The following CST4 variants were observed in gnomAD, a reference collection of about 807,000 sequenced individuals.
CST4 encodes cystatin S.
A neutral mutation model predicts 11.2 loss-of-function variants in CST4; 17 were observed. The observed-to-expected ratio is 1.52, with a 90% confidence interval of 1.04 to 2.27. The LOEUF (loss-of-function observed/expected upper bound fraction) is 2.27. CST4 is among the 30% of genes most tolerant of loss of function. CST4 has a pLI of 0.00. For missense variants in CST4, 251 were observed against 180.2 expected, an observed-to-expected ratio of 1.39 and a Z score of -2.25; for synonymous variants, 93 against 70.1, an observed-to-expected ratio of 1.33 and a Z score of -1.63.
chr20:23,687,935 G>A (rs1981100589), intron 1 of CST4, among the ~76,000 whole-genome samples: 1 of 152,266 alleles, frequency 6.6e-6, no homozygotes, highest in Non-Finnish European at 1.5e-5. Flanking sequence ...CATGGCACCA[G>A]GGAGTGCACC....
At chr20:23,687,968 A>C (rs1017273466) in intron 1 of CST4, among the ~76,000 whole-genome samples, 1 of 152,220 alleles carries the variant, frequency 6.6e-6, no homozygotes, top group African/African-American at 2.4e-5. Flanking sequence ...TGAGGGCTCC[A>C]GCTGACAGCT....
At chr20:23,686,145 A>T (rs2405665) in intron 2 of CST4, among the ~76,000 whole-genome samples, 168 bp from the exon 3 acceptor site, 4 of 152,188 alleles carry the variant, frequency 2.6e-5, no homozygotes, top group African/African-American at 4.8e-5. Flanking sequence ...TAGTGACTGT[A>T]CCATTACCCC....
chr20:23,685,856 G>C lies in CST4; in HGVS notation c.*38C>G, dbSNP rs752989828. ...GGTGGGAGCACTACAGTGGGTGGGA[G>C]TGGGTGGTGGTCGGTGTGACTGGCC... On this transcript the variant is annotated 3_prime_UTR_variant, in exon 3 of 3. Transcript: ENST00000217423. 4 of 1,605,522 alleles carry C rather than the reference G, an allele frequency of 2.5e-6. No homozygotes were observed. The South Asian group carries it at 4.4e-5, about 18-fold the overall frequency.
At position 23,688,988 on chromosome 20, in the gene CST4, G is replaced by C. The variant is rs766748922; in HGVS notation, c.-19C>G. On this transcript the variant is annotated 5_prime_UTR_variant, in exon 1 of 3. Transcript: ENST00000217423. ...GGGCCATGGTCTCCTCAGAGGCAGA[G>C]CACAAAGCTGGAGCTGCAGGAGAGG... 1.2e-6 allele frequency: 2 copies of C among 1,609,716 alleles called. No individual in the cohort carries two copies. Among genetic ancestry groups the C allele is most frequent in the Admixed American group, 1.7e-5 (1 of 59,892 alleles).
At chr20:23,688,237 C>T (rs1204076869) in intron 1 of CST4, among the ~76,000 whole-genome samples, 1 of 152,236 alleles carries the variant, frequency 6.6e-6, no homozygotes, top group African/African-American at 2.4e-5. Flanking sequence ...GGGACTCAGC[C>T]ATCCTGGCCT....
chr20:23,687,318 A>G (rs1402150000), intron 1 of CST4, 117 bp from the exon 2 acceptor site: 11 of 858,512 alleles, frequency 1.3e-5, no homozygotes, highest in African/African-American at 8.3e-5. Context: ...AGCTGCCCAC[A>G]TGTCAACACA....
chr20:23,686,099 C>T (rs1981031987), intron 2 of CST4, 122 bp from the exon 3 acceptor site: 1 of 1,004,836 alleles, frequency 1.0e-6, no homozygotes, highest in Non-Finnish European at 1.5e-6. Context: ...CCCTCACCCA[C>T]CCCTGCTGAG....
chr20:23,688,740 A>G lies in CST4; in HGVS notation c.228+2T>C. On this transcript the variant is annotated splice_donor_variant, in intron 1 of 2. Coordinates refer to ENST00000217423, the MANE Select transcript of CST4 (RefSeq NM_001899.3). LOFTEE classifies it high-confidence loss of function. ...GACCCCTCGGGTGGAGGCAGCACCC[A>G]CCTGCTCCCTGGCTCGCAGCACCTG... The G allele has an allele frequency of 6.2e-7, 1 of 1,613,982 alleles. No homozygotes were observed. The highest frequency in any genetic ancestry group is 8.5e-7 in the Non-Finnish European group (1 of 1,179,904).
chr20:23,686,984 C>T (rs1981065112), intron 2 of CST4, 104 bp downstream of exon 2: 4 of 1,393,136 alleles, frequency 2.9e-6, no homozygotes, highest in Middle Eastern at 3.6e-4. Context: ...CCCCACATAC[C>T]CACCTGCACA....
Position 23,685,725 on chromosome 20 carries a change from C to T in CST4, c.*169G>A, listed in dbSNP as rs962710216. On this transcript the variant is annotated 3_prime_UTR_variant, in exon 3 of 3. Coordinates refer to ENST00000217423, the MANE Select transcript of CST4 (RefSeq NM_001899.3). Reference sequence around the variant, plus strand: ...AGAAGCAAGAAGGAAGGAGGGAGGGCAGAGCGCCCTGCTGAGCAACAAAGG... The same window carrying T: ...AGAAGCAAGAAGGAAGGAGGGAGGGTAGAGCGCCCTGCTGAGCAACAAAGG... The T allele has an allele frequency of 8.9e-5, 57 of 641,412 alleles. No individual in the cohort carries two copies. The African/African-American group carries it at 9.7e-4, about 11-fold the overall frequency. 39.7% of individuals were successfully genotyped at this position (641,412 alleles called of 1,614,324 possible). A position where few individuals can be genotyped will look rare whatever the true frequency, so the allele number is the denominator to read the frequency against.
chr20:23,687,382 C>T (rs552354401), intron 1 of CST4, among the ~76,000 whole-genome samples, 181 bp from the exon 2 acceptor site: 40 of 152,162 alleles, frequency 2.6e-4, no homozygotes, highest in Admixed American at 2.4e-3. Flanking sequence ...GCCTCATGCC[C>T]GCTCTTAAAC....
rs1460531408 is a variant in CST4, at chr20:23,688,760, C to A, written c.210G>T (p.Val70=). 2 of 1,614,142 alleles carry A rather than the reference C, an allele frequency of 1.2e-6. No homozygotes were observed. Among genetic ancestry groups the A allele is most frequent in the Non-Finnish European group, 1.7e-6 (2 of 1,180,022 alleles). Residue 70 remains valine (V), a synonymous_variant, in exon 1 of 3, where the codon GTG becomes GTT. Transcript: ENST00000217423. ...EDEYYRRPLQ[V]LRAREQTFGG... ...CACCCACCTGCTCCCTGGCTCGCAG[C>A]ACCTGCAGCGGGCGTCTGTAGTACT...
At chr20:23,687,005 C>A (rs1418587349) in intron 2 of CST4, 83 bp downstream of exon 2, 26 of 1,574,654 alleles carry the variant, frequency 1.7e-5, no homozygotes, top group Non-Finnish European at 2.3e-5. Flanking sequence ...CACACACCGT[C>A]CAAACATGGG....
chr20:23,688,753 C>T lies in CST4; in HGVS notation c.217G>A (p.Ala73Thr). 2 of 1,614,134 alleles carry T rather than the reference C, an allele frequency of 1.2e-6. No individual in the cohort carries two copies. Among genetic ancestry groups the T allele is most frequent in the Non-Finnish European group, 1.7e-6 (2 of 1,180,004 alleles). Residue 73 changes from alanine (A) to threonine (T), a missense_variant, in exon 1 of 3, where the codon GCC becomes ACC. By Grantham distance (58) the Ala-to-Thr change is moderately conservative. Coordinates refer to ENST00000217423, the MANE Select transcript of CST4 (RefSeq NM_001899.3). ...GAGGCAGCACCCACCTGCTCCCTGG[C>T]TCGCAGCACCTGCAGCGGGCGTCTG... ...YYRRPLQVLR[A>T]REQTFGGVNY... is the part of the protein sequence containing the mutation.
In CST4 at chr20:23,685,729, G is replaced by A; in HGVS notation, c.*165C>T. ...GCAAGAAGGAAGGAGGGAGGGCAGA[G>A]CGCCCTGCTGAGCAACAAAGGACTC... On this transcript the variant is annotated 3_prime_UTR_variant, in exon 3 of 3. Transcript: ENST00000217423. 2 of 652,970 alleles carry A rather than the reference G, an allele frequency of 3.1e-6. No individual in the cohort carries two copies. Among genetic ancestry groups the A allele is most frequent in the Non-Finnish European group, 5.4e-6 (2 of 369,974 alleles). 40.4% of individuals were successfully genotyped at this position (652,970 alleles called of 1,614,324 possible). A position where few individuals can be genotyped will look rare whatever the true frequency, so the allele number is the denominator to read the frequency against.
At position 23,687,130 on chromosome 20, in the gene CST4, G is replaced by C. The variant is rs1981072711; in HGVS notation, c.300C>G (p.Asn100Lys). Residue 100 changes from asparagine to lysine, a missense_variant, in exon 2 of 3, where the codon AAC becomes AAG. By Grantham distance (94) the Asn-to-Lys change is moderately conservative (BLOSUM62 0). Transcript: ENST00000217423. Reference protein sequence around the residue: ...GRTICTKSQPNLDTCAFHEQP... With the variant: ...GRTICTKSQPKLDTCAFHEQP... ...GTTCATGGAAGGCACAGGTGTCCAA[G>C]TTGGGCTGGGACTTGGTACATATGG... 1 of 1,614,052 alleles carries C rather than the reference G, an allele frequency of 6.2e-7. No individual in the cohort carries two copies. Among genetic ancestry groups the C allele is most frequent in the South Asian group, 1.1e-5 (1 of 91,090 alleles).
At chr20:23,688,627 G>T in intron 1 of CST4, 115 bp downstream of exon 1, 1 of 990,828 alleles carries the variant, frequency 1.0e-6, no homozygotes, top group Non-Finnish European at 1.5e-6. Flanking sequence ...AAAGCTGAAT[G>T]AATCTGAGCA....
In CST4 at chr20:23,685,801, C is replaced by T. The variant is rs532528739; in HGVS notation, c.*93G>A. 1,848 of 1,369,544 alleles carry T rather than the reference C, an allele frequency of 1.3e-3. 3 individuals carry two copies. Among genetic ancestry groups the T allele is most frequent in the Non-Finnish European group, 1.5e-3 (1,440 of 974,562 alleles). 84.8% of individuals were successfully genotyped at this position (1,369,544 alleles called of 1,614,324 possible). A position where few individuals can be genotyped will look rare whatever the true frequency, so the allele number is the denominator to read the frequency against. Reference sequence around the variant, plus strand: ...TCTTGGCACAGGCACATGGGGAGGCCTCCCGCAGGGTGGGGGCCACCAGTC... The same window carrying T: ...TCTTGGCACAGGCACATGGGGAGGCTTCCCGCAGGGTGGGGGCCACCAGTC... On this transcript the variant is annotated 3_prime_UTR_variant, in exon 3 of 3. Transcript: ENST00000217423.
At chr20:23,688,615 A>G (rs1207243140) in intron 1 of CST4, 127 bp downstream of exon 1, 5 of 901,106 alleles carry the variant, frequency 5.5e-6, no homozygotes, top group African/African-American at 4.9e-5. Context: ...GGAGAGTCAG[A>G]GAAAGCTGAA....
Sources: allele counts gnomAD v4.1 joint callset (sites outside exome capture counted in the v4.1 genomes callset), GRCh38; gene constraint gnomAD v4.1.1; transcripts MANE v1.5; gene names NCBI Gene and HGNC (gene_info 2026-07-23, HGNC 2026-07-21).